Variants in EDARADD observed in about 807,000 individuals in gnomAD.
The protein encoded by EDARADD is EDAR associated via death domain.
EDARADD carries 20 observed loss-of-function variants against 25.6 expected under a neutral mutation model. That is an observed-to-expected ratio of 0.78 (90% confidence interval 0.55 to 1.14). The LOEUF is 1.14. Among genes scored for constraint, EDARADD ranks in the 50% most tolerant of loss-of-function variants. The pLI is 0.00. For missense variants in EDARADD, 225 were observed against 270.1 expected (o/e 0.83, Z 1.17); for synonymous variants, 86 against 94.4 (o/e 0.91, Z 0.52).
At position 236,483,895 on chromosome 1, in the gene EDARADD, T is replaced by G. The variant is rs2103043612; in HGVS notation, c.*1246T>G. 3 of 1,378,722 alleles carry G rather than the reference T, an allele frequency of 2.2e-6. No homozygotes were observed. Among genetic ancestry groups the G allele is most frequent in the East Asian group, 2.3e-5 (1 of 43,648 alleles). 85.4% of individuals were successfully genotyped at this position (1,378,722 alleles called of 1,614,324 possible). A position where few individuals can be genotyped will look rare whatever the true frequency, so the allele number is the denominator to read the frequency against. On this transcript the variant is annotated 3_prime_UTR_variant, in exon 6 of 6. Coordinates refer to ENST00000334232, the MANE Select transcript of EDARADD (RefSeq NM_145861.4). ...TACACTGATAAGGTGATCGTCAGCA[T>G]GGACGTAGAGGCCTCCGAGTTCTTC... is the stretch of plus-strand genomic sequence containing the variant.
At chr1:236,405,874 C>CTTCCTTCCTTCCTTCTTTCT (rs56931070) in intron 1 of EDARADD, among the ~76,000 whole-genome samples, 12 of 30,844 alleles carry the variant, frequency 3.9e-4, no homozygotes, top group South Asian at 2.6e-3. Flanking sequence ...TCCTTCCTTC[C>CTTCCTTCCTTCCTTCTTTCT]TTCTTTCTTT....
intron 3 of EDARADD, among the ~76,000 whole-genome samples, chr1:236,369,588 TCC>T (rs1667152726): frequency 6.6e-6 from 1 of 152,202 alleles, no homozygotes; most frequent in Non-Finnish European, 1.5e-5. Context: ...ATGCCTGTAA[TCC>T]CAGCACTTTG....
intron 2 of EDARADD, among the ~76,000 whole-genome samples, chr1:236,349,904 G>C (rs1666895617): frequency 6.6e-6 from 1 of 152,174 alleles, no homozygotes; most frequent in Admixed American, 6.5e-5. Flanking sequence ...CTGAGGTCAG[G>C]AGTTCAAGAC....
At chr1:236,353,540 G>A (rs993654905) in intron 3 of EDARADD, among the ~76,000 whole-genome samples, 5 of 152,008 alleles carry the variant, frequency 3.3e-5, no homozygotes, top group African/African-American at 7.3e-5. Flanking sequence ...TTAGCCGGGC[G>A]TGGTGGTGGG....
At chr1:236,449,610 A>G (rs1658654901) in intron 4 of EDARADD, among the ~76,000 whole-genome samples, 1 of 152,226 alleles carries the variant, frequency 6.6e-6, no homozygotes, top group Non-Finnish European at 1.5e-5. Context: ...TATATCGGTT[A>G]TACTTACATC....
intron 4 of EDARADD, among the ~76,000 whole-genome samples, chr1:236,452,034 C>T (rs911854309): frequency 3.3e-5 from 5 of 152,208 alleles, no homozygotes; most frequent in Non-Finnish European, 5.9e-5. Flanking sequence ...TCATCCAGGG[C>T]GGCTCCAGCT....
chr1:236,396,963 G>T (rs1248541396), intron 1 of EDARADD, among the ~76,000 whole-genome samples: 2 of 120,276 alleles, frequency 1.7e-5, no homozygotes, highest in Non-Finnish European at 3.3e-5. Flanking sequence ...ATTAAATGAT[G>T]ATTGCAGGGG....
At chr1:236,369,529 G>T (rs550247218) in intron 3 of EDARADD, among the ~76,000 whole-genome samples, 1 of 152,112 alleles carries the variant, frequency 6.6e-6, no homozygotes. Context: ...TATAAGAGCC[G>T]GTACTTATCA....
intron 3 of EDARADD, among the ~76,000 whole-genome samples, chr1:236,381,636 G>A (rs1262580176): frequency 6.6e-6 from 1 of 151,666 alleles, no homozygotes; most frequent in Non-Finnish European, 1.5e-5. Flanking sequence ...TTTTTAAGCT[G>A]GGCATGGTGG....
chr1:236,431,771 A>G (rs993789812), intron 4 of EDARADD, among the ~76,000 whole-genome samples: 1 of 100,048 alleles, frequency 1.0e-5, no homozygotes, highest in Admixed American at 1.0e-4. Context: ...AATACAAAAA[A>G]TTAGCCGGGC....
intron 3 of EDARADD, among the ~76,000 whole-genome samples, chr1:236,379,796 A>G (rs1191526546): frequency 6.6e-6 from 1 of 152,222 alleles, no homozygotes; most frequent in Non-Finnish European, 1.5e-5. Context: ...ACAATAAGTA[A>G]AATTAAAAAA....
intron 3 of EDARADD, among the ~76,000 whole-genome samples, chr1:236,376,671 G>A (rs1439355996): frequency 6.6e-6 from 1 of 151,972 alleles, no homozygotes; most frequent in Non-Finnish European, 1.5e-5. Context: ...ATCCTGCTTT[G>A]CATATTCTGA....
intron 4 of EDARADD, among the ~76,000 whole-genome samples, chr1:236,441,110 A>G (rs908303223): frequency 1.4e-4 from 22 of 151,976 alleles, no homozygotes; most frequent in East Asian, 7.7e-4. Context: ...GGGCTACTCC[A>G]GTGAACAAAC....
intron 4 of EDARADD, among the ~76,000 whole-genome samples, chr1:236,450,018 T>G (rs1658667375): frequency 6.6e-6 from 1 of 151,974 alleles, no homozygotes; most frequent in Non-Finnish European, 1.5e-5. Flanking sequence ...TGAGAATCCC[T>G]TGAACCCGGG....
In EDARADD at chr1:236,395,322, G is replaced by T; in HGVS notation, c.61+817G>T. ...GGACGCCCGGGACACTCGGGGCCCCGCCTTGCGTCCCAGCCCCGGGTCGCG... is the reference window on the plus strand; with the variant it reads ...GGACGCCCGGGACACTCGGGGCCCCTCCTTGCGTCCCAGCCCCGGGTCGCG... On this transcript the variant is annotated intron_variant, in intron 1 of 5. Coordinates refer to ENST00000334232, the MANE Select transcript of EDARADD (RefSeq NM_145861.4). This position sits in a 1 kb window ranked among gnomAD's most constrained non-coding sequence, Gnocchi z 6.9. 1 of 1,281,754 alleles carries T rather than the reference G, an allele frequency of 7.8e-7. No homozygotes were observed. The highest frequency in any genetic ancestry group is 9.9e-7 in the Non-Finnish European group (1 of 1,008,660). 79.4% of individuals were successfully genotyped at this position (1,281,754 alleles called of 1,614,324 possible). A position where few individuals can be genotyped will look rare whatever the true frequency, so the allele number is the denominator to read the frequency against.
At chr1:236,382,010 T>A (rs1398561496) in intron 3 of EDARADD, among the ~76,000 whole-genome samples, 1 of 151,892 alleles carries the variant, frequency 6.6e-6, no homozygotes, top group African/African-American at 2.4e-5. Flanking sequence ...TTTTGGTGAT[T>A]TTTTTTTCAT....
intron 3 of EDARADD, among the ~76,000 whole-genome samples, chr1:236,358,645 G>A (rs1321731347): frequency 6.6e-6 from 1 of 152,156 alleles, no homozygotes; most frequent in Non-Finnish European, 1.5e-5. Context: ...AATCATTCAG[G>A]AGCAGGTTGT....
upstream of EDARADD, among the ~76,000 whole-genome samples, chr1:236,392,172 C>T (rs993455626): frequency 6.6e-6 from 1 of 152,198 alleles, no homozygotes; most frequent in Non-Finnish European, 1.5e-5. Flanking sequence ...CAATCCATTG[C>T]TCCATGCTGT....
intron 4 of EDARADD, 137 bp from the exon 5 acceptor site, chr1:236,468,094 G>A (rs1003601106): frequency 6.3e-6 from 5 of 790,910 alleles, no homozygotes; most frequent in South Asian, 2.8e-5. Flanking sequence ...CCATTAAAAT[G>A]CCATTCTCAA....
Sources: gnomAD v4.1 joint callset for allele counts (sites outside exome capture counted in the v4.1 genomes callset) on GRCh38, gnomAD v4.1.1 for gene constraint, Gnocchi (gnomAD v3.1) non-coding constraint, MANE v1.5 for transcripts, NCBI Gene and HGNC (gene_info 2026-07-23, HGNC 2026-07-21) for gene names.